Variants in TUBGCP3 observed in about 807,000 individuals in gnomAD.
TUBGCP3 encodes the protein gamma-tubulin complex component 3.
Under a neutral mutation model 123.1 loss-of-function variants are expected in TUBGCP3, and 50 were observed. That is an observed-to-expected ratio of 0.41 (90% CI 0.32 to 0.51). The LOEUF (loss-of-function observed/expected upper bound fraction) is 0.51. Ranked by LOEUF, TUBGCP3 falls within the 20% of genes least tolerant of loss-of-function variation. The pLI, the probability that TUBGCP3 is intolerant of heterozygous loss-of-function variation, is 0.36. For synonymous variants in TUBGCP3, 405 were observed against 413.9 expected (o/e 0.98, Z 0.26); for missense variants, 882 against 1,127.0 (o/e 0.78, Z 3.11).
intron 1 of TUBGCP3, among the ~76,000 whole-genome samples, chr13:112,573,595 G>C (rs540286535): frequency 2.0e-5 from 3 of 152,294 alleles, no homozygotes; most frequent in East Asian, 3.9e-4. Context: ...TCAGTACAAG[G>C]GATCTGGGAG....
In TUBGCP3 at chr13:112,485,425, T is replaced by C. The variant is rs1879588400; in HGVS notation, c.*568A>G. 6.6e-6 allele frequency: 1 copy of C among 152,554 alleles called. No individual in the cohort carries two copies. The highest frequency in any genetic ancestry group is 2.1e-4 in the South Asian group (1 of 4,826). The allele number at this position is 152,554 out of a possible 1,614,324, so 9.5% of individuals were successfully genotyped here. A position where few individuals can be genotyped will look rare whatever the true frequency, so the allele number is the denominator to read the frequency against. ...ACTCTGAAAGGAGAGAAAATAAGAATAAATATGTGTAAAGGTAATGCATTA... is the reference window on the plus strand; with the variant it reads ...ACTCTGAAAGGAGAGAAAATAAGAACAAATATGTGTAAAGGTAATGCATTA... On this transcript the variant is annotated 3_prime_UTR_variant, in exon 22 of 22. Transcript: ENST00000261965.
Position 112,545,412 on chromosome 13 carries a change from G to A in TUBGCP3, c.1335+287C>T, listed in dbSNP as rs1417486676. 2.0e-5 allele frequency: 7 copies of A among 355,096 alleles called. No individual in the cohort carries two copies. Among genetic ancestry groups the A allele is most frequent in the Admixed American group, 3.8e-5 (1 of 26,292 alleles). 22.0% of individuals were successfully genotyped at this position (355,096 alleles called of 1,614,324 possible). On this transcript the variant is annotated intron_variant, in intron 11 of 21. Coordinates refer to ENST00000261965, the MANE Select transcript of TUBGCP3 (RefSeq NM_006322.6). The surrounding 1 kb of genome is among the most constrained non-coding windows in gnomAD (Gnocchi z 4.1). ...ACTGCCCCAAGACTCAGGAGGCCTC[G>A]TCCTGTTTTGCCATCCACGTGCTAG... is the stretch of plus-strand genomic sequence containing the variant.
At chr13:112,598,161 G>A in the TUBGCP3 span, among the ~76,000 whole-genome samples, 2 of 151,972 alleles carry the variant, frequency 1.3e-5, no homozygotes, top group Non-Finnish European at 2.9e-5. Context: ...ATTTCCAAGT[G>A]CAGAAAGAAA....
intron 1 of TUBGCP3, among the ~76,000 whole-genome samples, chr13:112,586,258 C>A (rs1004788028): frequency 6.6e-6 from 1 of 151,598 alleles, no homozygotes; most frequent in Non-Finnish European, 1.5e-5. Context: ...AAAAAAAGTT[C>A]TTAGGTTGAG....
the TUBGCP3 span, among the ~76,000 whole-genome samples, chr13:112,595,491 C>T: frequency 1.8e-4 from 28 of 152,134 alleles, no homozygotes; most frequent in Admixed American, 6.5e-4. Context: ...GCCACCCTGC[C>T]CAGCCAATTA....
intron 4 of TUBGCP3, among the ~76,000 whole-genome samples, 199 bp from the exon 5 acceptor site, chr13:112,558,612 T>TC (rs911652310): frequency 3.3e-5 from 5 of 152,186 alleles, no homozygotes; most frequent in Non-Finnish European, 7.3e-5. Flanking sequence ...TTTTCTGAAC[T>TC]CCAACAACCA....
chr13:112,525,411 C>T (rs1255628506), intron 13 of TUBGCP3, among the ~76,000 whole-genome samples: 2 of 152,172 alleles, frequency 1.3e-5, no homozygotes, highest in African/African-American at 4.8e-5. Flanking sequence ...TTACTGACTA[C>T]TGGTTATTTT....
At chr13:112,500,447 T>C (rs1880829399) in intron 19 of TUBGCP3, among the ~76,000 whole-genome samples, 1 of 152,206 alleles carries the variant, frequency 6.6e-6, no homozygotes, top group South Asian at 2.1e-4. Flanking sequence ...AAAGGCAGAC[T>C]GTGTGAAATG....
chr13:112,495,468 G>A (rs1180207772), intron 20 of TUBGCP3, among the ~76,000 whole-genome samples: 1 of 151,954 alleles, frequency 6.6e-6, no homozygotes, highest in Non-Finnish European at 1.5e-5. Context: ...CTTTTTAATG[G>A]GTTTTACTTG....
intron 11 of TUBGCP3, among the ~76,000 whole-genome samples, chr13:112,529,164 T>C (rs1228545222): frequency 6.6e-6 from 1 of 152,190 alleles, no homozygotes; most frequent in Non-Finnish European, 1.5e-5. Flanking sequence ...ATTACCTAGA[T>C]CTTTAATTCC....
intron 19 of TUBGCP3, among the ~76,000 whole-genome samples, chr13:112,501,673 T>A (rs1157145219): frequency 6.6e-6 from 1 of 152,190 alleles, no homozygotes; most frequent in African/African-American, 2.4e-5. Flanking sequence ...TGGGTTTATT[T>A]ATTTTTTTTT....
intron 5 of TUBGCP3, among the ~76,000 whole-genome samples, chr13:112,556,635 G>C (rs1004119664): frequency 6.6e-6 from 1 of 152,094 alleles, no homozygotes; most frequent in Admixed American, 6.5e-5. Flanking sequence ...CCCATGTACT[G>C]AGCAGAGGAA....
intron 13 of TUBGCP3, among the ~76,000 whole-genome samples, chr13:112,523,820 T>C (rs1054403866): frequency 6.6e-6 from 1 of 152,236 alleles, no homozygotes; most frequent in Non-Finnish European, 1.5e-5. Context: ...TTATTCTTTA[T>C]TCACACTTTT....
intron 1 of TUBGCP3, among the ~76,000 whole-genome samples, chr13:112,574,139 A>C (rs1198065723): frequency 2.3e-5 from 3 of 132,760 alleles, no homozygotes; most frequent in African/African-American, 9.0e-5. Context: ...GGGCACTCTG[A>C]GCTCACAGTG....
chr13:112,555,969 CT>C, intron 6 of TUBGCP3, 82 bp downstream of exon 6: 3 of 1,456,612 alleles, frequency 2.1e-6, no homozygotes, highest in Non-Finnish European at 2.8e-6. Flanking sequence ...TGAGGTGGGG[CT>C]CCTGGGCTGT....
intron 1 of TUBGCP3, among the ~76,000 whole-genome samples, chr13:112,578,774 C>T (rs545564409): frequency 2.5e-4 from 38 of 152,100 alleles, no homozygotes; most frequent in African/African-American, 8.9e-4. Flanking sequence ...TTAGCGATGG[C>T]CCCCTGGACC....
At chr13:112,591,562 C>T (rs1436107871), upstream of TUBGCP3, among the ~76,000 whole-genome samples, 1 of 152,210 alleles carries the variant, frequency 6.6e-6, no homozygotes, top group Non-Finnish European at 1.5e-5. Flanking sequence ...GGACAACACT[C>T]GTTAGGTGTG....
At chr13:112,491,733 A>AC (rs1262646001) in intron 20 of TUBGCP3, among the ~76,000 whole-genome samples, 4 of 152,094 alleles carry the variant, frequency 2.6e-5, no homozygotes, top group African/African-American at 7.2e-5. Flanking sequence ...CTATGCTCCC[A>AC]CCTCTGCCTC....
At chr13:112,500,059 A>G (rs1477501999) in intron 19 of TUBGCP3, among the ~76,000 whole-genome samples, 1 of 152,202 alleles carries the variant, frequency 6.6e-6, no homozygotes, top group African/African-American at 2.4e-5. Context: ...ATTAAACCCA[A>G]CAAAATATGA....
Sources: allele counts gnomAD v4.1 joint callset (sites outside exome capture counted in the v4.1 genomes callset), GRCh38; gene constraint gnomAD v4.1.1; non-coding constraint Gnocchi (gnomAD v3.1); transcripts MANE v1.5; gene names NCBI Gene and HGNC (gene_info 2026-07-23, HGNC 2026-07-21).